VEZT: variants seen among roughly 807,000 people sequenced by gnomAD.
The protein encoded by VEZT is vezatin, adherens junctions transmembrane protein.
A neutral mutation model predicts 79.9 loss-of-function variants in VEZT; 39 were observed. That is an observed-to-expected ratio of 0.49 (90% CI 0.38 to 0.64). The LOEUF is 0.64. VEZT is among the 30% of genes least tolerant of loss of function. The pLI is 0.00. For missense variants in VEZT, 837 were observed against 893.1 expected, an observed-to-expected ratio of 0.94 and a Z score of 0.80; for synonymous variants, 325 against 327.6, an observed-to-expected ratio of 0.99 and a Z score of 0.09.
chr12:95,248,909 G>A (rs1031187295), intron 1 of VEZT, among the ~76,000 whole-genome samples: 3 of 151,938 alleles, frequency 2.0e-5, no homozygotes, highest in Middle Eastern at 3.4e-3. Context: ...TTTTTGGGCC[G>A]GATTTGCCAC....
chr12:95,226,141 A>G (rs2058453205), intron 1 of VEZT, among the ~76,000 whole-genome samples: 1 of 152,004 alleles, frequency 6.6e-6, no homozygotes, highest in South Asian at 2.1e-4. Flanking sequence ...AAAGCCAAAG[A>G]AGCAAAAAGT....
intron 5 of VEZT, among the ~76,000 whole-genome samples, chr12:95,267,217 G>A (rs1217341616): frequency 6.6e-6 from 1 of 152,146 alleles, no homozygotes; most frequent in Non-Finnish European, 1.5e-5. Flanking sequence ...TTATTAAAGG[G>A]AAAGTTACAT....
At chr12:95,237,813 T>C (rs1555244172) in intron 1 of VEZT, among the ~76,000 whole-genome samples, 4 of 152,322 alleles carry the variant, frequency 2.6e-5, no homozygotes, top group Admixed American at 1.3e-4. Flanking sequence ...CTTAGGCTAA[T>C]AAGTATAGAG....
intron 9 of VEZT, 75 bp downstream of exon 9, chr12:95,287,932 G>A (rs2071418403): frequency 1.5e-6 from 2 of 1,305,148 alleles, no homozygotes; most frequent in Admixed American, 3.0e-5. Context: ...TTATTAGGTA[G>A]ACTTCTTGTC....
At chr12:95,245,341 C>G (rs1452035797) in intron 1 of VEZT, among the ~76,000 whole-genome samples, 1 of 152,122 alleles carries the variant, frequency 6.6e-6, no homozygotes, top group African/African-American at 2.4e-5. Context: ...TTACTTTGTA[C>G]TTAAGGAAGC....
intron 5 of VEZT, among the ~76,000 whole-genome samples, chr12:95,268,458 A>G (rs531756356): frequency 6.6e-6 from 1 of 152,326 alleles, no homozygotes; most frequent in Admixed American, 6.5e-5. Context: ...AGATCGCGCT[A>G]CTGCACTCCA....
At chr12:95,232,583 CTGTTAGTAGCTAGTG>C (rs968751571) in intron 1 of VEZT, among the ~76,000 whole-genome samples, 1 of 152,138 alleles carries the variant, frequency 6.6e-6, no homozygotes, top group Non-Finnish European at 1.5e-5. Context: ...ACTCTCTTCT[CTGTTAGTAGCTAGTG>C]TGCCTGTGTT....
chr12:95,247,689 G>A (rs1412308998), intron 1 of VEZT, among the ~76,000 whole-genome samples: 2 of 152,062 alleles, frequency 1.3e-5, no homozygotes, highest in Non-Finnish European at 2.9e-5. Flanking sequence ...GAGAACTACT[G>A]GTTAGGATAT....
intron 1 of VEZT, 62 bp from the exon 2 acceptor site, chr12:95,251,878 G>C: frequency 2.0e-6 from 3 of 1,525,730 alleles, no homozygotes; most frequent in Non-Finnish European, 1.8e-6. Context: ...ATTAAGTTTG[G>C]CCCCCGAAAC....
chr12:95,225,593 A>G (rs1393227424), intron 1 of VEZT, among the ~76,000 whole-genome samples: 1 of 151,856 alleles, frequency 6.6e-6, no homozygotes, highest in Admixed American at 6.6e-5. Context: ...AACAAAAGCC[A>G]TCACCACATC....
At chr12:95,285,966 C>T (rs1371421811) in intron 8 of VEZT, among the ~76,000 whole-genome samples, 1 of 148,570 alleles carries the variant, frequency 6.7e-6, no homozygotes, top group Non-Finnish European at 1.5e-5. Flanking sequence ...AACCAAGACG[C>T]TCCCCCCGAC....
At chr12:95,218,249 T>G (rs1483059236) in intron 1 of VEZT, 1 of 180,848 alleles carries the variant, frequency 5.5e-6, no homozygotes, top group African/African-American at 2.4e-5. Context: ...CAACTTAGCC[T>G]CCTCCTTTTC....
intron 11 of VEZT, among the ~76,000 whole-genome samples, chr12:95,298,310 T>A (rs1003684257): frequency 5.9e-5 from 9 of 152,000 alleles, no homozygotes; most frequent in African/African-American, 1.9e-4. Flanking sequence ...TGATAAAATA[T>A]AAAGGAAGTC....
At chr12:95,228,203 T>G (rs1426335550) in intron 1 of VEZT, among the ~76,000 whole-genome samples, 1 of 152,228 alleles carries the variant, frequency 6.6e-6, no homozygotes, top group Non-Finnish European at 1.5e-5. Context: ...ATCAGTTAAA[T>G]GAAAGGAAAT....
In VEZT at chr12:95,288,382, A is replaced by G. The variant is rs533262392; in HGVS notation, c.1522+525A>G. 4.6e-5 allele frequency among the ~76,000 whole-genome samples: 7 copies of G among 152,328 alleles called. No individual in the cohort carries two copies. In the South Asian group the frequency reaches 1.4e-3, roughly 32 times the overall value. Reference sequence around the variant, plus strand: ...TGCTACTAGGTAAAAAAATATATATATAGTCTTGAGATTTTTCCACCAAGC... The same window carrying G: ...TGCTACTAGGTAAAAAAATATATATGTAGTCTTGAGATTTTTCCACCAAGC... On this transcript the variant is annotated intron_variant, in intron 9 of 11. Transcript: ENST00000436874.
Position 95,274,811 on chromosome 12 carries a change from C to T in VEZT, c.918C>T (p.Gly306=). ...GTGTGGTGCCTTTTAAAGAGCTGGGCCTTGGACTTAGTGAAGAGCAGATTT... is the reference window on the plus strand; with the variant it reads ...GTGTGGTGCCTTTTAAAGAGCTGGGTCTTGGACTTAGTGAAGAGCAGATTT... The part of the protein sequence containing the change: ...YICVVPFKEL[G]LGLSEEQISE... Residue 306 remains glycine, a synonymous_variant, in exon 7 of 12, where the codon GGC becomes GGT. Transcript: ENST00000436874. 1 of 1,613,798 alleles carries T rather than the reference C, an allele frequency of 6.2e-7. No homozygotes were observed. The highest frequency in any genetic ancestry group is 8.5e-7 in the Non-Finnish European group (1 of 1,179,816).
chr12:95,261,612 T>C (rs977393916), intron 3 of VEZT, among the ~76,000 whole-genome samples: 12 of 152,168 alleles, frequency 7.9e-5, no homozygotes, highest in Non-Finnish European at 1.6e-4. Context: ...GGTTTCACCA[T>C]ATTGGCCAGG....
chr12:95,257,032 A>T, intron 2 of VEZT, 118 bp from the exon 3 acceptor site: 1 of 826,946 alleles, frequency 1.2e-6, no homozygotes, highest in Non-Finnish European at 1.8e-6. Context: ...AACCTGGACA[A>T]TTTTTTTCTT....
At chr12:95,235,306 T>G (rs1248172223) in intron 1 of VEZT, among the ~76,000 whole-genome samples, 1 of 113,592 alleles carries the variant, frequency 8.8e-6, no homozygotes, top group African/African-American at 3.4e-5. Context: ...CCCACCTCCC[T>G]CCCGGACGGG....
Sources: gnomAD v4.1 joint callset for allele counts (sites outside exome capture counted in the v4.1 genomes callset) on GRCh38, gnomAD v4.1.1 for gene constraint, MANE v1.5 for transcripts, NCBI Gene and HGNC (gene_info 2026-07-23, HGNC 2026-07-21) for gene names.